The following USP43 variants were observed in gnomAD, a reference collection of about 807,000 sequenced individuals.
USP43 encodes the protein ubiquitin carboxyl-terminal hydrolase 43.
USP43 carries 33 observed loss-of-function variants against 90.7 expected under a neutral mutation model. That is an observed-to-expected ratio of 0.36 (90% CI 0.28 to 0.49). The LOEUF is 0.49. Ranked by LOEUF, USP43 falls within the 20% of genes least tolerant of loss-of-function variation. The pLI is 0.98. For missense variants in USP43, 1,274 were observed against 1,476.4 expected, an observed-to-expected ratio of 0.86 and a Z score of 2.25; for synonymous variants, 598 against 615.8, an observed-to-expected ratio of 0.97 and a Z score of 0.43.
At chr17:9,657,515 GA>G (rs935108327) in intron 2 of USP43, among the ~76,000 whole-genome samples, 1 of 150,946 alleles carries the variant, frequency 6.6e-6, no homozygotes, top group Non-Finnish European at 1.5e-5. Flanking sequence ...AAAAAGAAAA[GA>G]AAAAAAAGGA....
At chr17:9,688,463 G>A (rs1174404673) in intron 8 of USP43, among the ~76,000 whole-genome samples, 5 of 150,822 alleles carry the variant, frequency 3.3e-5, no homozygotes, top group South Asian at 4.2e-4. Context: ...CGATTCTCCT[G>A]CCTCAGCCTC....
At chr17:9,691,501 G>T (rs1228416371) in intron 8 of USP43, among the ~76,000 whole-genome samples, 4 of 152,176 alleles carry the variant, frequency 2.6e-5, no homozygotes, top group East Asian at 1.9e-4. Context: ...CACTCAGGTT[G>T]TTTCTTTCTT....
intron 12 of USP43, among the ~76,000 whole-genome samples, chr17:9,708,477 G>A (rs1318663595): frequency 6.6e-6 from 1 of 152,212 alleles, no homozygotes; most frequent in Non-Finnish European, 1.5e-5. Flanking sequence ...TAGTTTGGAA[G>A]TAGAATCAGT....
intron 9 of USP43, among the ~76,000 whole-genome samples, chr17:9,697,476 C>G (rs1915341836): frequency 6.6e-6 from 1 of 152,010 alleles, no homozygotes; most frequent in Non-Finnish European, 1.5e-5. Context: ...TCAACCCTCT[C>G]TCCCTTCTTC....
intron 2 of USP43, among the ~76,000 whole-genome samples, chr17:9,661,557 T>G (rs1376935064): frequency 6.6e-6 from 1 of 152,084 alleles, no homozygotes; most frequent in Admixed American, 6.5e-5. Flanking sequence ...AAGGTCTCAC[T>G]ATGTTGTCCA....
At position 9,709,715 on chromosome 17, in the gene USP43, C is replaced by T. The variant is rs892250128; in HGVS notation, c.2012-241C>T. 6.6e-6 allele frequency among the ~76,000 whole-genome samples: 1 copy of T among 151,612 alleles called. No homozygotes were observed. The highest frequency in any genetic ancestry group is 2.4e-5 in the African/African-American group (1 of 41,228). ...TGGGTGACAGAGCGAAACTCCGTCT[C>T]AAAAATAAATAAAAATAAATAAATA... On this transcript the variant is annotated intron_variant, in intron 12 of 14. Coordinates refer to ENST00000285199, the MANE Select transcript of USP43 (RefSeq NM_153210.5). This position sits in a 1 kb window ranked among gnomAD's most constrained non-coding sequence, Gnocchi z 5.0.
intron 5 of USP43, among the ~76,000 whole-genome samples, chr17:9,679,470 G>T (rs1447204366): frequency 2.1e-5 from 3 of 144,422 alleles, no homozygotes; most frequent in Non-Finnish European, 3.0e-5. Context: ...CTCCCAAAGT[G>T]TTGGGATTAT....
rs1454549755 is a variant in USP43 at position 9,682,847 on chromosome 17, C to T, written c.1130C>T (p.Ser377Phe). Reference sequence around the variant, plus strand: ...GCTCATCCACTGGGTCTGTCGGCCTCCCCACGCCTGGCAGCCCGTGAGGGC... The same window carrying T: ...GCTCATCCACTGGGTCTGTCGGCCTTCCCACGCCTGGCAGCCCGTGAGGGC... ...LSAHPLGLSASPRLAAREGQR... is the reference protein window; with the variant it reads ...LSAHPLGLSAFPRLAAREGQR... Residue 377 changes from serine (S) to phenylalanine (F), a missense_variant, in exon 7 of 15, where the codon TCC becomes TTC. By Grantham distance (155) the Ser-to-Phe change is radical. Transcript: ENST00000285199. 1 of 1,613,860 alleles carries T rather than the reference C, an allele frequency of 6.2e-7. No homozygotes were observed. Among genetic ancestry groups the T allele is most frequent in the East Asian group, 2.2e-5 (1 of 44,888 alleles).
Position 9,724,618 on chromosome 17 carries a change from T to G in USP43, c.2336-3336T>G, listed in dbSNP as rs955339036. 3.3e-5 allele frequency among the ~76,000 whole-genome samples: 5 copies of G among 150,956 alleles called. No individual in the cohort carries two copies. In the East Asian group the frequency reaches 9.9e-4, roughly 30 times the overall value. ...TCACTTGAATCCGGGAGGTGGAGGT[T>G]GCAGTGAGCCGAGATCACACCACTG... is the stretch of plus-strand genomic sequence containing the variant. On this transcript the variant is annotated intron_variant, in intron 14 of 14. Transcript: ENST00000285199.
chr17:9,702,819 G>A (rs935154620), intron 12 of USP43, among the ~76,000 whole-genome samples: 6 of 152,198 alleles, frequency 3.9e-5, no homozygotes, highest in Admixed American at 6.5e-5. Flanking sequence ...TTCCGCCATC[G>A]GAGAATGGAT....
At chr17:9,675,039 G>C in intron 4 of USP43, 56 bp downstream of exon 4, 4 of 1,508,404 alleles carry the variant, frequency 2.7e-6, no homozygotes, top group Non-Finnish European at 3.7e-6. Context: ...TACTCATTAC[G>C]GGGAAGCTTC....
At chr17:9,646,914 A>G (rs180840707) in intron 1 of USP43, 9 of 152,148 alleles carry the variant, frequency 5.9e-5, no homozygotes, top group South Asian at 2.1e-4. Flanking sequence ...CTGCAAGATC[A>G]CGGTCTACTT....
At chr17:9,716,261 T>G (rs1437319031) in intron 14 of USP43, among the ~76,000 whole-genome samples, 1 of 152,152 alleles carries the variant, frequency 6.6e-6, no homozygotes, top group Non-Finnish European at 1.5e-5. Flanking sequence ...TATATACTTG[T>G]GATTAGTATA....
At chr17:9,667,112 C>G (rs907375526) in intron 3 of USP43, among the ~76,000 whole-genome samples, 1 of 152,104 alleles carries the variant, frequency 6.6e-6, no homozygotes, top group Admixed American at 6.5e-5. Flanking sequence ...CTTAACAAGT[C>G]ATTCTGAGCT....
At chr17:9,682,783 C>T (rs777338106) in intron 6 of USP43, 40 bp from the exon 7 acceptor site, 1 of 1,605,414 alleles carries the variant, frequency 6.2e-7, no homozygotes, top group South Asian at 1.1e-5. Context: ...GAAAGCAGCT[C>T]CTTTAGGAAT....
chr17:9,657,716 AC>A (rs1912362386), intron 2 of USP43, among the ~76,000 whole-genome samples: 1 of 128,678 alleles, frequency 7.8e-6, no homozygotes, highest in South Asian at 2.7e-4. Context: ...TCTCAGGAGA[AC>A]TCACTCACAA....
intron 3 of USP43, among the ~76,000 whole-genome samples, chr17:9,669,066 G>A (rs1034959151): frequency 2.0e-5 from 3 of 151,330 alleles, no homozygotes; most frequent in Non-Finnish European, 2.9e-5. Context: ...GGCTGGTCTC[G>A]AACTCCTGAC....
intron 5 of USP43, among the ~76,000 whole-genome samples, chr17:9,678,665 T>C (rs1266178064): frequency 3.3e-5 from 5 of 152,192 alleles, no homozygotes. Context: ...TTATGTCATC[T>C]TATTTATTTA....
At chr17:9,690,123 C>A (rs1363627798) in intron 8 of USP43, among the ~76,000 whole-genome samples, 2 of 152,136 alleles carry the variant, frequency 1.3e-5, no homozygotes, top group African/African-American at 2.4e-5. Context: ...TCCCTGCACA[C>A]GTCAGCTCCC....
Sources: gnomAD v4.1 joint callset for allele counts (sites outside exome capture counted in the v4.1 genomes callset) on GRCh38, gnomAD v4.1.1 for gene constraint, Gnocchi (gnomAD v3.1) non-coding constraint, MANE v1.5 for transcripts, NCBI Gene and HGNC (gene_info 2026-07-23, HGNC 2026-07-21) for gene names.